Variants in SLC20A2 observed in about 807,000 individuals in gnomAD.
SLC20A2 encodes the protein solute carrier family 20 member 2.
Under a neutral mutation model 61.0 loss-of-function variants are expected in SLC20A2, and 30 were observed. The observed-to-expected ratio is 0.49, with a 90% CI of 0.37 to 0.67. The LOEUF (loss-of-function observed/expected upper bound fraction) is 0.67. Among genes scored for constraint, SLC20A2 ranks in the 30% least tolerant of loss-of-function variants. SLC20A2 has a pLI of 0.00. For synonymous variants in SLC20A2, 351 were observed against 353.3 expected, an observed-to-expected ratio of 0.99 and a Z score of 0.07; for missense variants, 626 against 866.4, an observed-to-expected ratio of 0.72 and a Z score of 3.48.
chr8:42,472,120 C>T lies in SLC20A2; in HGVS notation c.271G>A (p.Glu91Lys). 1 of 1,613,150 alleles carries T rather than the reference C, an allele frequency of 6.2e-7. No homozygotes were observed. Among genetic ancestry groups the T allele is most frequent in the Non-Finnish European group, 8.5e-7 (1 of 1,180,004 alleles). Residue 91 changes from glutamate (E) to lysine (K), a missense_variant, in exon 2 of 11, where the codon GAA becomes AAA. Physicochemically the swap from Glu to Lys is moderately conservative, Grantham distance 56. Transcript: ENST00000520262. The surrounding 1 kb of genome is among the most constrained non-coding windows in gnomAD (Gnocchi z 4.1). ...TACTCACCAACCATGGCACTAACTT[C>T]CCCAGCCATGAGAGTCTCCACCGTC... The part of the protein sequence containing the change: ...NETVETLMAG[E>K]VSAMVGSAVW...
At chr8:42,524,786 C>CAAATAAATAAATAAAT (rs138387549) in intron 1 of SLC20A2, among the ~76,000 whole-genome samples, 1 of 147,638 alleles carries the variant, frequency 6.8e-6, no homozygotes, top group African/African-American at 2.5e-5. Context: ...AACTCCATCT[C>CAAATAAATAAATAAAT]AAATAAATAA....
At chr8:42,514,066 C>T (rs1003438906) in intron 1 of SLC20A2, among the ~76,000 whole-genome samples, 2 of 152,132 alleles carry the variant, frequency 1.3e-5, no homozygotes, top group African/African-American at 4.8e-5. Flanking sequence ...GGAGTGGGTC[C>T]ACTATCCTGT....
intron 1 of SLC20A2, among the ~76,000 whole-genome samples, chr8:42,499,543 A>G (rs1316489801): frequency 6.6e-6 from 1 of 152,210 alleles, no homozygotes; most frequent in Non-Finnish European, 1.5e-5. Flanking sequence ...GTGAAATTAA[A>G]CAATGGATAA....
chr8:42,498,253 T>TG lies in SLC20A2; in HGVS notation c.-265+2777dup, dbSNP rs958254378. Among the ~76,000 whole-genome samples, 16 of 151,930 alleles carry TG rather than the reference T, an allele frequency of 1.1e-4. 1 individual carries two copies. Among genetic ancestry groups the TG allele is most frequent in the Admixed American group, 8.5e-4 (13 of 15,244 alleles). The stretch of plus-strand genomic sequence containing the variant: ...GAGGATTGCAACAGAGGACTGAGAG[T>TG]GGGGGGCAAGGCTTCTGGGGTCAGT... On this transcript the variant is annotated intron_variant, in intron 1 of 10. Transcript: ENST00000520262.
intron 6 of SLC20A2, among the ~76,000 whole-genome samples, chr8:42,441,129 C>T (rs1418537535): frequency 6.8e-6 from 1 of 146,212 alleles, no homozygotes; most frequent in East Asian, 2.1e-4. Flanking sequence ...AGTGTCTATT[C>T]AAATATTTTG....
At chr8:42,515,020 T>C (rs1811247642) in intron 1 of SLC20A2, among the ~76,000 whole-genome samples, 2 of 152,210 alleles carry the variant, frequency 1.3e-5, no homozygotes, top group African/African-American at 4.8e-5. Context: ...ACATGTACTG[T>C]GCACCTAAGT....
At chr8:42,468,596 T>G (rs1807369046) in intron 2 of SLC20A2, among the ~76,000 whole-genome samples, 1 of 152,130 alleles carries the variant, frequency 6.6e-6, no homozygotes, top group Non-Finnish European at 1.5e-5. Context: ...GATAATGGCA[T>G]CTGACAGAGG....
chr8:42,450,672 C>T (rs1253953133), intron 5 of SLC20A2, among the ~76,000 whole-genome samples: 1 of 151,948 alleles, frequency 6.6e-6, no homozygotes, highest in Non-Finnish European at 1.5e-5. Flanking sequence ...TACAGGAACT[C>T]ACCACCACAC....
At chr8:42,510,706 T>C (rs1014129924) in intron 1 of SLC20A2, among the ~76,000 whole-genome samples, 9 of 152,076 alleles carry the variant, frequency 5.9e-5, no homozygotes, top group Admixed American at 1.3e-4. Flanking sequence ...ACTGAACCAA[T>C]TGCTAGCTTT....
At chr8:42,451,011 A>T (rs574954741) in intron 5 of SLC20A2, among the ~76,000 whole-genome samples, 5 of 152,162 alleles carry the variant, frequency 3.3e-5, no homozygotes, top group Non-Finnish European at 7.3e-5. Context: ...TGCACTTCAC[A>T]ATCACAGCAT....
intron 1 of SLC20A2, among the ~76,000 whole-genome samples, chr8:42,518,769 A>G (rs540746618): frequency 2.0e-5 from 3 of 152,284 alleles, no homozygotes; most frequent in African/African-American, 7.2e-5. Flanking sequence ...CAATTTCCCA[A>G]AAAGTTTCCC....
intron 1 of SLC20A2, among the ~76,000 whole-genome samples, chr8:42,512,023 G>A (rs1003146878): frequency 6.6e-6 from 1 of 152,088 alleles, no homozygotes; most frequent in African/African-American, 2.4e-5. Context: ...GGGATGGTTC[G>A]CAAAAGAGGA....
chr8:42,497,257 G>A (rs1809995569), intron 1 of SLC20A2, among the ~76,000 whole-genome samples: 1 of 152,112 alleles, frequency 6.6e-6, no homozygotes. Context: ...ATGACTTCAG[G>A]AAAAAGGGTT....
intron 1 of SLC20A2, among the ~76,000 whole-genome samples, chr8:42,509,913 C>A (rs1810937912): frequency 6.6e-6 from 1 of 152,038 alleles, no homozygotes; most frequent in Non-Finnish European, 1.5e-5. Flanking sequence ...TTAAGTGCAA[C>A]CTTCACTTCT....
chr8:42,507,896 A>G (rs1810802447), intron 1 of SLC20A2, among the ~76,000 whole-genome samples: 1 of 152,246 alleles, frequency 6.6e-6, no homozygotes. Context: ...GCGGTGGCTC[A>G]TGCCTGTAAT....
chr8:42,518,241 A>T (rs1811440078), intron 1 of SLC20A2, among the ~76,000 whole-genome samples: 1 of 152,078 alleles, frequency 6.6e-6, no homozygotes, highest in South Asian at 2.1e-4. Flanking sequence ...CGCCCAGACA[A>T]CTTTTTTTAA....
intron 1 of SLC20A2, among the ~76,000 whole-genome samples, chr8:42,492,602 T>C (rs921983235): frequency 1.1e-4 from 16 of 152,202 alleles, no homozygotes; most frequent in Admixed American, 9.8e-4. Flanking sequence ...CATTCTTCTA[T>C]GAGTAACAAA....
chr8:42,490,927 C>A (rs1809462093), intron 1 of SLC20A2, among the ~76,000 whole-genome samples: 1 of 150,298 alleles, frequency 6.7e-6, no homozygotes, highest in Non-Finnish European at 1.5e-5. Flanking sequence ...TTTTATAACT[C>A]CTAACACCTA....
chr8:42,526,963 T>C (rs1056211108), intron 1 of SLC20A2, among the ~76,000 whole-genome samples: 2 of 151,760 alleles, frequency 1.3e-5, no homozygotes, highest in African/African-American at 4.8e-5. Context: ...AAATTTGCCA[T>C]GCATGGTGGC....
Sources: allele counts gnomAD v4.1 joint callset (sites outside exome capture counted in the v4.1 genomes callset), GRCh38; gene constraint gnomAD v4.1.1; non-coding constraint Gnocchi (gnomAD v3.1); transcripts MANE v1.5; gene names NCBI Gene and HGNC (gene_info 2026-07-23, HGNC 2026-07-21).